Variants in WDR25 observed in about 807,000 individuals in gnomAD.
The protein encoded by WDR25 is WD repeat-containing protein 25.
A neutral mutation model predicts 47.7 loss-of-function variants in WDR25; 35 were observed. The ratio of observed to expected loss-of-function variants is 0.73; its 90% CI spans 0.56 to 0.97. The LOEUF is 0.97. WDR25 is among the 50% of genes least tolerant of loss of function. The probability of loss-of-function intolerance (pLI) is 0.00; values close to 1 mark genes in which losing one functional copy is unlikely to be tolerated. For missense variants in WDR25, 634 were observed against 704.7 expected (o/e 0.90, Z 1.14); for synonymous variants, 248 against 278.9 (o/e 0.89, Z 1.10).
Position 100,381,586 on chromosome 14 carries a change from T to C in WDR25, c.662T>C (p.Ile221Thr), listed in dbSNP as rs776023831. ...LYVGPGVSEF[I>T]QPYLNSHYKE... ...GTGGGCCCGGGAGTGTCTGAGTTTA[T>C]TCAGCCATATTTGAATAGCCATTAT... The change falls in exon 2 of 7, where the codon ATT becomes ACT. Residue 221 changes from isoleucine (I) to threonine (T), a missense_variant. By Grantham distance (89) the Ile-to-Thr change is moderately conservative. Transcript: ENST00000402312. 1 of 1,609,734 alleles carries C rather than the reference T, an allele frequency of 6.2e-7. No individual in the cohort carries two copies. The highest frequency in any genetic ancestry group is 1.7e-5 in the Admixed American group (1 of 59,714).
chr14:100,523,272 C>T lies in WDR25; in HGVS notation c.1102-2598C>T, dbSNP rs1353648291. On this transcript the variant is annotated intron_variant, in intron 4 of 6. Transcript: ENST00000402312. The surrounding 1 kb of genome is among the most constrained non-coding windows in gnomAD (Gnocchi z 4.7). ...TGACCCAGAAATGTGGGCAGCAGGG[C>T]GTCTGTGCCAGGAGCTCACAGTCCT... 6.6e-6 allele frequency among the ~76,000 whole-genome samples: 1 copy of T among 152,188 alleles called. No individual in the cohort carries two copies. Among genetic ancestry groups the T allele is most frequent in the Non-Finnish European group, 1.5e-5 (1 of 68,034 alleles).
intron 2 of WDR25, among the ~76,000 whole-genome samples, chr14:100,444,315 T>C (rs1898758167): frequency 6.6e-6 from 1 of 152,202 alleles, no homozygotes; most frequent in Non-Finnish European, 1.5e-5. Context: ...CCGGGAGCCC[T>C]GCAGCCACTG....
At chr14:100,453,435 AG>A (rs1485500820) in intron 2 of WDR25, among the ~76,000 whole-genome samples, 3 of 152,204 alleles carry the variant, frequency 2.0e-5, no homozygotes, top group Non-Finnish European at 2.9e-5. Flanking sequence ...GAGAGGATTG[AG>A]TTAATTCGGT....
In WDR25 at chr14:100,529,019, C is replaced by T; in HGVS notation, c.1273-49C>T. 2.7e-6 allele frequency: 4 copies of T among 1,498,662 alleles called. No individual in the cohort carries two copies. The highest frequency in any genetic ancestry group is 3.6e-6 in the Non-Finnish European group (4 of 1,122,214). 92.8% of individuals were successfully genotyped at this position (1,498,662 alleles called of 1,614,324 possible). ...GGCCCCAGGCCCCAGAGCAGAGTGCCAGGTTGGGGGTGTCTTCTCTGACCC... is the reference window on the plus strand; with the variant it reads ...GGCCCCAGGCCCCAGAGCAGAGTGCTAGGTTGGGGGTGTCTTCTCTGACCC... On this transcript the variant is annotated intron_variant, in intron 5 of 6. Transcript: ENST00000402312. This position sits in a 1 kb window ranked among gnomAD's most constrained non-coding sequence, Gnocchi z 5.1.
chr14:100,431,549 CTTT>C (rs777753335), intron 2 of WDR25, among the ~76,000 whole-genome samples: 6 of 139,308 alleles, frequency 4.3e-5, no homozygotes, highest in Non-Finnish European at 3.2e-5. Context: ...TTGGTAATTT[CTTT>C]TTTTTTTTTT....
At chr14:100,396,469 T>C (rs1186849865) in intron 2 of WDR25, among the ~76,000 whole-genome samples, 2 of 152,212 alleles carry the variant, frequency 1.3e-5, no homozygotes, top group Non-Finnish European at 2.9e-5. Context: ...AGCCTGTCAA[T>C]CAAGCGCAGA....
chr14:100,421,390 T>C (rs1898021669), intron 2 of WDR25, among the ~76,000 whole-genome samples: 1 of 152,186 alleles, frequency 6.6e-6, no homozygotes, highest in African/African-American at 2.4e-5. Context: ...TGAGCCACAG[T>C]CGTGGCCTTT....
At position 100,525,932 on chromosome 14, in the gene WDR25, C is replaced by G. The variant is rs756005420; in HGVS notation, c.1164C>G (p.Gly388=). ...TGGACATCCTGTTCCTCCGGGAAGG[C>G]TCCGAGTTCCTGAGCAGCACAGACG... is the stretch of plus-strand genomic sequence containing the variant. The part of the protein sequence containing the change: ...QTLDILFLRE[G]SEFLSSTDAS... Residue 388 remains glycine (G), a synonymous_variant, in exon 5 of 7, where the codon GGC becomes GGG. Transcript: ENST00000402312. This position sits in a 1 kb window ranked among gnomAD's most constrained non-coding sequence, Gnocchi z 4.6. 1.9e-6 allele frequency: 3 copies of G among 1,613,914 alleles called. No homozygotes were observed. The highest frequency in any genetic ancestry group is 8.5e-7 in the Non-Finnish European group (1 of 1,179,968).
chr14:100,455,061 G>T (rs547327678), intron 2 of WDR25: 9 of 152,356 alleles, frequency 5.9e-5, no homozygotes, highest in African/African-American at 2.2e-4. Context: ...TCAAGAGAAA[G>T]GCCATCAAAG....
At chr14:100,451,843 G>A (rs995141535) in intron 2 of WDR25, among the ~76,000 whole-genome samples, 1 of 152,176 alleles carries the variant, frequency 6.6e-6, no homozygotes, top group African/African-American at 2.4e-5. Flanking sequence ...GGTCTCTCAT[G>A]ACTAAAGGAT....
At chr14:100,409,593 A>C (rs1023684592) in intron 2 of WDR25, among the ~76,000 whole-genome samples, 1 of 152,182 alleles carries the variant, frequency 6.6e-6, no homozygotes, top group Non-Finnish European at 1.5e-5. Context: ...GGTTGTATGA[A>C]TATTGAGAAG....
At chr14:100,527,570 G>A (rs999644698) in intron 5 of WDR25, among the ~76,000 whole-genome samples, 7 of 152,248 alleles carry the variant, frequency 4.6e-5, no homozygotes, top group African/African-American at 1.7e-4. Flanking sequence ...ACTGCAGGGT[G>A]TCCCAGGGCA....
At chr14:100,471,410 A>T (rs1216792844) in intron 3 of WDR25, among the ~76,000 whole-genome samples, 1 of 152,152 alleles carries the variant, frequency 6.6e-6, no homozygotes, top group African/African-American at 2.4e-5. Flanking sequence ...TTATCTCTGC[A>T]CATCCCACCT....
chr14:100,431,948 G>A (rs1157735545), intron 2 of WDR25, among the ~76,000 whole-genome samples: 1 of 152,206 alleles, frequency 6.6e-6, no homozygotes, highest in African/African-American at 2.4e-5. Context: ...GACCTCAGGT[G>A]ATCCACCCGC....
rs182386904 is a variant in WDR25, at chr14:100,383,387, G to C, written c.822+1641G>C. ...TCTCTGCTCTCCTTCCCAAGTCTGC[G>C]CTGCAAGGGCTGGAGGATGGGAAGC... On this transcript the variant is annotated intron_variant, in intron 2 of 6. Coordinates refer to ENST00000402312, the MANE Select transcript of WDR25 (RefSeq NM_001161476.3). 1.7e-3 allele frequency among the ~76,000 whole-genome samples: 258 copies of C among 152,350 alleles called. 1 individual carries two copies. The highest frequency in any genetic ancestry group is 5.9e-3 in the African/African-American group (246 of 41,580).
intron 3 of WDR25, 39 bp from the exon 4 acceptor site, chr14:100,483,955 A>G (rs1900292644): frequency 6.3e-7 from 1 of 1,582,988 alleles, no homozygotes; most frequent in Non-Finnish European, 8.6e-7. Context: ...TTTGTGACCT[A>G]AGTACTTTCT....
chr14:100,498,255 C>T lies in WDR25; in HGVS notation c.1101+14131C>T, dbSNP rs1900799066. On this transcript the variant is annotated intron_variant, in intron 4 of 6. Transcript: ENST00000402312. The surrounding 1 kb of genome is among the most constrained non-coding windows in gnomAD (Gnocchi z 4.2). ...GCTTGGTGCTTCTCTGCAAATCTGG[C>T]GCGGAGGCTGCGGAGGGAGATGGAT... Among the ~76,000 whole-genome samples, 1 of 152,206 alleles carries T rather than the reference C, an allele frequency of 6.6e-6. No individual in the cohort carries two copies. Among genetic ancestry groups the T allele is most frequent in the South Asian group, 2.1e-4 (1 of 4,818 alleles).
rs112389452 is a variant in WDR25, at chr14:100,420,204, G to A, written c.822+38458G>A. Among the ~76,000 whole-genome samples, 1,332 of 152,334 alleles carry A rather than the reference G, an allele frequency of 8.7e-3. 21 individuals are homozygous for A. Among genetic ancestry groups the A allele is most frequent in the African/African-American group, 0.031 (1,278 of 41,568 alleles). On this transcript the variant is annotated intron_variant, in intron 2 of 6. Transcript: ENST00000402312. ...CCTCCACAGCCCCCATCTGCACATG[G>A]GCCGCAGGCCCTGGCAACCCCTTCC...
intron 4 of WDR25, among the ~76,000 whole-genome samples, chr14:100,508,943 G>A (rs1225455618): frequency 6.6e-6 from 1 of 151,964 alleles, no homozygotes; most frequent in East Asian, 1.9e-4. Flanking sequence ...TTGGTTTTAT[G>A]ATATATTGTC....
Sources: gnomAD v4.1 joint callset for allele counts (sites outside exome capture counted in the v4.1 genomes callset) on GRCh38, gnomAD v4.1.1 for gene constraint, Gnocchi (gnomAD v3.1) non-coding constraint, MANE v1.5 for transcripts, NCBI Gene and HGNC (gene_info 2026-07-23, HGNC 2026-07-21) for gene names.